The following MBTPS1 variants were observed in gnomAD, a reference collection of about 807,000 sequenced individuals.
MBTPS1 encodes membrane bound transcription factor peptidase, site 1, also known as membrane-bound transcription factor site-1 protease.
In MBTPS1, 94 loss-of-function variants were observed where a neutral mutation model predicts 127.8. That is an observed-to-expected ratio of 0.74 (90% CI 0.62 to 0.87). MBTPS1 has a LOEUF of 0.87. MBTPS1 is among the 40% of genes least tolerant of loss of function. The pLI is 0.00. For missense variants in MBTPS1, 1,636 were observed against 1,353.2 expected, an observed-to-expected ratio of 1.21 and a Z score of -3.28; for synonymous variants, 632 against 509.4, an observed-to-expected ratio of 1.24 and a Z score of -3.24.
intron 4 of MBTPS1, 129 bp downstream of exon 4, chr16:84,095,473 C>T: frequency 4.3e-6 from 4 of 930,034 alleles, no homozygotes; most frequent in Non-Finnish European, 6.5e-6. Flanking sequence ...ATGTGGAAGG[C>T]TGCAGGGCTT....
chr16:84,101,448 G>A (rs571045593), intron 2 of MBTPS1, among the ~76,000 whole-genome samples, 173 bp downstream of exon 2: 2 of 151,292 alleles, frequency 1.3e-5, no homozygotes, highest in African/African-American at 2.4e-5. Context: ...CCGAGATCAT[G>A]CCACTGCACT....
chr16:84,082,008 G>T, intron 10 of MBTPS1, 100 bp from the exon 11 acceptor site: 1 of 779,364 alleles, frequency 1.3e-6, no homozygotes, highest in Non-Finnish European at 1.8e-6. Context: ...GAGGCCTGCA[G>T]TCTTGTTTAG....
chr16:84,101,750 C>A lies in MBTPS1; in HGVS notation c.34G>T (p.Val12Leu), dbSNP rs773118504. The change falls in exon 2 of 23, where the codon GTG (valine) becomes TTG (leucine). Residue 12 changes from valine (V) to leucine (L), a missense_variant. Physicochemically the swap from Val to Leu is conservative, Grantham distance 32. Coordinates refer to ENST00000343411, the MANE Select transcript of MBTPS1 (RefSeq NM_003791.4). ...KLVNIWLLLL[V>L]VLLCGKKHLG... The stretch of plus-strand genomic sequence containing the variant: ...TGTTTCTTCCCACAGAGCAAAACCA[C>A]GAGCAGAAGCAGCCAGATGTTGACA... The A allele has an allele frequency of 1.9e-6, 3 of 1,613,824 alleles. No homozygotes were observed. Among genetic ancestry groups the A allele is most frequent in the Admixed American group, 1.7e-5 (1 of 59,966 alleles).
chr16:84,105,872 G>C (rs560896546), intron 1 of MBTPS1, among the ~76,000 whole-genome samples: 23 of 152,314 alleles, frequency 1.5e-4, no homozygotes, highest in African/African-American at 4.8e-4. Flanking sequence ...AGTAGGGATA[G>C]AGTAATGAAC....
At chr16:84,055,072 C>A (rs541151476) in intron 22 of MBTPS1, among the ~76,000 whole-genome samples, 1 of 152,142 alleles carries the variant, frequency 6.6e-6, no homozygotes, top group East Asian at 1.9e-4. Context: ...GGGGGCGTGG[C>A]GGAAGAAGCA....
intron 22 of MBTPS1, among the ~76,000 whole-genome samples, chr16:84,055,017 G>A (rs542008505): frequency 1.8e-4 from 28 of 152,320 alleles, no homozygotes; most frequent in East Asian, 9.7e-4. Flanking sequence ...CTATCCAGGG[G>A]AGAAGGAGGG....
chr16:84,057,027 G>A (rs1489994061), intron 21 of MBTPS1: 2 of 152,194 alleles, frequency 1.3e-5, no homozygotes, highest in Non-Finnish European at 2.9e-5. Context: ...CTGTCAGCCT[G>A]TCTCTTTCAC....
At position 84,070,572 on chromosome 16, in the gene MBTPS1, T is replaced by TC. The variant is rs1567479044; in HGVS notation, c.1782+15dup. The TC allele has an allele frequency of 6.2e-7, 1 of 1,608,428 alleles. No homozygotes were observed. The highest frequency in any genetic ancestry group is 2.2e-5 in the East Asian group (1 of 44,828). On this transcript the variant is annotated intron_variant, in intron 13 of 22. Coordinates refer to ENST00000343411, the MANE Select transcript of MBTPS1 (RefSeq NM_003791.4). ...AAACAGCTAAGAAAACAAGCCACTT[T>TC]CCCGCATATCCCTACCTCTGTCTCT...
chr16:84,083,980 G>C (rs2085981117), intron 10 of MBTPS1, among the ~76,000 whole-genome samples: 1 of 152,212 alleles, frequency 6.6e-6, no homozygotes, highest in African/African-American at 2.4e-5. Flanking sequence ...GGCTGATTGA[G>C]ACAGAGTGTT....
intron 1 of MBTPS1, among the ~76,000 whole-genome samples, chr16:84,103,309 G>C (rs917475491): frequency 4.6e-5 from 7 of 151,110 alleles, no homozygotes; most frequent in African/African-American, 1.7e-4. Flanking sequence ...GGCTGGAGTG[G>C]GTGGCGCAAT....
intron 21 of MBTPS1, 172 bp from the exon 22 acceptor site, chr16:84,056,307 G>A (rs1266017583): frequency 2.5e-5 from 14 of 560,702 alleles, no homozygotes; most frequent in South Asian, 1.9e-4. Context: ...TATGGTGGCC[G>A]TTTCCACGTC....
In MBTPS1 at chr16:84,105,342, T is replaced by G. The variant is rs187566799; in HGVS notation, c.-324-3235A>C. ...GCTAGTCAGGGCACAACCTTCCAAGTGTGATGTAGTTAAATTTAAGGACAA... is the reference window on the plus strand; with the variant it reads ...GCTAGTCAGGGCACAACCTTCCAAGGGTGATGTAGTTAAATTTAAGGACAA... On this transcript the variant is annotated intron_variant, in intron 1 of 22. Coordinates refer to ENST00000343411, the MANE Select transcript of MBTPS1 (RefSeq NM_003791.4). 7.2e-5 allele frequency among the ~76,000 whole-genome samples: 11 copies of G among 152,240 alleles called. No individual in the cohort carries two copies. The East Asian group carries it at 2.1e-3, about 29-fold the overall frequency.
intron 10 of MBTPS1, among the ~76,000 whole-genome samples, chr16:84,082,976 G>A (rs1162177843): frequency 1.3e-5 from 2 of 152,188 alleles, no homozygotes; most frequent in Non-Finnish European, 2.9e-5. Flanking sequence ...CTGCTGCAGG[G>A]AGATGAGGAG....
rs192093489 is a variant in MBTPS1 at position 84,070,585 on chromosome 16, T to C, written c.1782+3A>G. On this transcript the variant is annotated splice_donor_region_variant and intron_variant, in intron 13 of 22. Coordinates refer to ENST00000343411, the MANE Select transcript of MBTPS1 (RefSeq NM_003791.4). ...AACAAGCCACTTTCCCGCATATCCCTACCTCTGTCTCTGCTGGGGAAGCCA... is the reference window on the plus strand; with the variant it reads ...AACAAGCCACTTTCCCGCATATCCCCACCTCTGTCTCTGCTGGGGAAGCCA... The C allele has an allele frequency of 9.8e-4, 1,583 of 1,611,364 alleles. 2 individuals are homozygous for C. Among genetic ancestry groups the C allele is most frequent in the Admixed American group, 2.2e-3 (130 of 59,634 alleles).
Position 84,091,867 on chromosome 16 carries a change from A to C in MBTPS1, c.847-19T>G, listed in dbSNP as rs1469677180. Reference sequence around the variant, plus strand: ...AAGATACCTAGTTAAATATTATAACAGTCTGCTTAGTGTTTCAATCAAGTT... The same window carrying C: ...AAGATACCTAGTTAAATATTATAACCGTCTGCTTAGTGTTTCAATCAAGTT... On this transcript the variant is annotated intron_variant, in intron 6 of 22. Coordinates refer to ENST00000343411, the MANE Select transcript of MBTPS1 (RefSeq NM_003791.4). 7.5e-7 allele frequency: 1 copy of C among 1,335,052 alleles called. No individual in the cohort carries two copies. The highest frequency in any genetic ancestry group is 1.1e-6 in the Non-Finnish European group (1 of 925,058). The allele number at this position is 1,335,052 out of a possible 1,614,324, so 82.7% of individuals were successfully genotyped here.
At chr16:84,096,450 T>G (rs966817214) in intron 3 of MBTPS1, among the ~76,000 whole-genome samples, 1 of 152,260 alleles carries the variant, frequency 6.6e-6, no homozygotes, top group South Asian at 2.1e-4. Context: ...TGCCAAACTA[T>G]ACTCTAAAAA....
chr16:84,082,000 G>A (rs911532604), intron 10 of MBTPS1, 92 bp from the exon 11 acceptor site: 4 of 929,716 alleles, frequency 4.3e-6, no homozygotes, highest in South Asian at 6.8e-5. Context: ...GCACACAAGA[G>A]GCCTGCAGTC....
intron 9 of MBTPS1, 105 bp downstream of exon 9, chr16:84,087,253 T>G (rs2086041756): frequency 7.5e-6 from 6 of 798,804 alleles, no homozygotes; most frequent in East Asian, 2.5e-5. Context: ...AATGTGAGGG[T>G]GTCTGTGCAC....
Position 84,070,016 on chromosome 16 carries a change from G to C in MBTPS1, c.1805C>G (p.Thr602Ser). 3.7e-6 allele frequency: 6 copies of C among 1,611,432 alleles called. No individual in the cohort carries two copies. The highest frequency in any genetic ancestry group is 5.1e-6 in the Non-Finnish European group (6 of 1,179,332). The change falls in exon 14 of 23, where the codon ACT becomes AGT. Residue 602 changes from threonine (T) to serine (S), a missense_variant. Thr to Ser is a moderately conservative substitution (Grantham distance 58). Coordinates refer to ENST00000343411, the MANE Select transcript of MBTPS1 (RefSeq NM_003791.4). ...CTTAATGGGGAGCTTTACTGTTGAA[G>C]TCTGTTCTGCACCATTTTTTGACTA... ...ETESKNGAEQTSTVKLPIKVK... is the reference protein window; with the variant it reads ...ETESKNGAEQSSTVKLPIKVK...
Sources: gnomAD v4.1 joint callset for allele counts (sites outside exome capture counted in the v4.1 genomes callset) on GRCh38, gnomAD v4.1.1 for gene constraint, MANE v1.5 for transcripts, NCBI Gene and HGNC (gene_info 2026-07-23, HGNC 2026-07-21) for gene names.